LMF1: variants seen among roughly 807,000 people sequenced by gnomAD.
LMF1 encodes the protein transmembrane protein 112.
LMF1 carries 68 observed loss-of-function variants against 60.6 expected under a neutral mutation model. The ratio of observed to expected loss-of-function variants is 1.12; its 90% CI spans 0.92 to 1.37. The LOEUF (loss-of-function observed/expected upper bound fraction) is 1.37, where lower values mean the gene tolerates loss of function less well. Among genes scored for constraint, LMF1 ranks in the 40% most tolerant of loss-of-function variants. The pLI, the probability that LMF1 is intolerant of heterozygous loss-of-function variation, is 0.00. For synonymous variants in LMF1, 418 were observed against 324.7 expected, an observed-to-expected ratio of 1.29 and a Z score of -3.09; for missense variants, 948 against 767.2, an observed-to-expected ratio of 1.24 and a Z score of -2.78.
intron 3 of LMF1, among the ~76,000 whole-genome samples, chr16:930,270 C>T (rs556353667): frequency 8.8e-5 from 13 of 148,248 alleles, no homozygotes; most frequent in Non-Finnish European, 1.7e-4. Flanking sequence ...TGAACAGGGG[C>T]GCAGGACCCT....
At chr16:895,120 A>G (rs2070626339) in intron 4 of LMF1, among the ~76,000 whole-genome samples, 1 of 152,174 alleles carries the variant, frequency 6.6e-6, no homozygotes, top group Admixed American at 6.5e-5. Flanking sequence ...TCGCGGTCCC[A>G]CTGCGGGAGA....
At position 874,959 on chromosome 16, in the gene LMF1, C is replaced by T. The variant is rs1596875972; in HGVS notation, c.898-3618G>A. Among the ~76,000 whole-genome samples the T allele has an allele frequency of 6.6e-6, 1 of 152,308 alleles. No homozygotes were observed. Among genetic ancestry groups the T allele is most frequent in the African/African-American group, 2.4e-5 (1 of 41,566 alleles). On this transcript the variant is annotated intron_variant, in intron 6 of 10. Transcript: ENST00000262301. This position sits in a 1 kb window ranked among gnomAD's most constrained non-coding sequence, Gnocchi z 4.1. The stretch of plus-strand genomic sequence containing the variant: ...GGGCAAAAGCCCTAGTTCAAGACCC[C>T]ACACTGCCTGTGAGGGGGCAGGATA...
chr16:872,249 A>T (rs1567159166), intron 6 of LMF1: 1 of 152,154 alleles, frequency 6.6e-6, no homozygotes, highest in Non-Finnish European at 1.5e-5. Context: ...GCTTCCTCAG[A>T]CAGCTCCGTC....
chr16:908,259 G>A (rs1270322482), intron 4 of LMF1, among the ~76,000 whole-genome samples: 1 of 152,214 alleles, frequency 6.6e-6, no homozygotes, highest in Non-Finnish European at 1.5e-5. Context: ...AAGGAGCCAT[G>A]GAAACATCTC....
In LMF1 at chr16:868,030, G is replaced by A. The variant is rs1052265354; in HGVS notation, c.1529+914C>T. On this transcript the variant is annotated intron_variant, in intron 10 of 10. Coordinates refer to ENST00000262301, the MANE Select transcript of LMF1 (RefSeq NM_022773.4). ...CAGAGCTGTGTTTTCCGTCAGAATC[G>A]GCGGCTGATGGCGCAGGGGAGGGGT... Among the ~76,000 whole-genome samples, 9 of 152,254 alleles carry A rather than the reference G, an allele frequency of 5.9e-5. 1 individual carries two copies. Among genetic ancestry groups the A allele is most frequent in the South Asian group, 4.1e-4 (2 of 4,822 alleles).
rs974669861 is a variant in LMF1 at position 854,378 on chromosome 16, A to T, written c.*154T>A. ...GAGCCGCCACAGTATGTGACAACAG[A>T]CCCCACCCTGGACCCCCGTGCTGGG... is the stretch of plus-strand genomic sequence containing the variant. On this transcript the variant is annotated 3_prime_UTR_variant, in exon 11 of 11. Coordinates refer to ENST00000262301, the MANE Select transcript of LMF1 (RefSeq NM_022773.4). 5 of 835,776 alleles carry T rather than the reference A, an allele frequency of 6.0e-6. No individual in the cohort carries two copies. The highest frequency in any genetic ancestry group is 9.7e-6 in the Non-Finnish European group (5 of 514,224). The allele number at this position is 835,776 out of a possible 1,614,324, so 51.8% of individuals were successfully genotyped here.
chr16:974,890 A>C (rs1596182909), upstream of LMF1, among the ~76,000 whole-genome samples: 1 of 152,006 alleles, frequency 6.6e-6, no homozygotes, highest in Admixed American at 6.5e-5. Flanking sequence ...CATTTACCCC[A>C]ATTTTTCATG....
At chr16:974,562 G>A (rs991897776), upstream of LMF1, among the ~76,000 whole-genome samples, 1 of 152,202 alleles carries the variant, frequency 6.6e-6, no homozygotes, top group Non-Finnish European at 1.5e-5. Context: ...CCAAGAGCAC[G>A]CAGGCTGAAG....
chr16:929,618 G>A (rs761770737), intron 3 of LMF1, among the ~76,000 whole-genome samples: 57 of 152,264 alleles, frequency 3.7e-4, no homozygotes, highest in Non-Finnish European at 7.1e-4. Context: ...ACTCGCTGCA[G>A]GGCGGCAGGA....
intron 4 of LMF1, among the ~76,000 whole-genome samples, chr16:910,163 C>T (rs1025326568): frequency 6.6e-6 from 1 of 152,252 alleles, no homozygotes; most frequent in Non-Finnish European, 1.5e-5. Flanking sequence ...GACCACGTCG[C>T]TCCTGCTTTT....
chr16:954,059 A>ACACACCCCAAAC lies in LMF1; in HGVS notation c.503+297_503+298insGTTTGGGGTGTG, dbSNP rs1567312806. On this transcript the variant is annotated intron_variant, in intron 2 of 10. Transcript: ENST00000262301. ...CAGCCTCCTACACGTCCACACAGAC[A>ACACACCCCAAAC]CAGACCCACTGCTTCTGCCTCCCTT... 8.7e-4 allele frequency among the ~76,000 whole-genome samples: 123 copies of ACACACCCCAAAC among 140,822 alleles called. 9 individuals carry two copies. Among genetic ancestry groups the ACACACCCCAAAC allele is most frequent in the African/African-American group, 2.9e-3 (115 of 39,408 alleles). 92.4% of individuals were successfully genotyped at this position (140,822 alleles called of 152,430 possible). A position where few individuals can be genotyped will look rare whatever the true frequency, so the allele number is the denominator to read the frequency against.
intron 4 of LMF1, among the ~76,000 whole-genome samples, chr16:909,916 G>A (rs1355491301): frequency 6.6e-6 from 1 of 152,396 alleles, no homozygotes; most frequent in Admixed American, 6.5e-5. Context: ...GTCGGGTGGG[G>A]CAGGCACAAG....
At chr16:955,935 C>T (rs896683203) in intron 1 of LMF1, among the ~76,000 whole-genome samples, 36 of 152,052 alleles carry the variant, frequency 2.4e-4, no homozygotes, top group Non-Finnish European at 7.4e-5. Flanking sequence ...TCACGTCTCA[C>T]GGCGCCCACC....
At position 869,883 on chromosome 16, in the gene LMF1, C is replaced by G. The variant is rs200876477; in HGVS notation, c.1416G>C (p.Gln472His). 1.9e-6 allele frequency: 3 copies of G among 1,611,244 alleles called. No individual in the cohort carries two copies. The highest frequency in any genetic ancestry group is 2.5e-6 in the Non-Finnish European group (3 of 1,179,390). ...GCGCCCGCCAGGGACCGTCCCCCAC[C>G]TGGAAGGCCGCGAACCACATCAGCC... ...LDWLMWFAAF[Q>H]TYEHNDWIIH... Residue 472 changes from glutamine to histidine, a missense_variant and splice_region_variant, in exon 9 of 11, where the codon CAG becomes CAC. Transcript: ENST00000262301.
Position 939,536 on chromosome 16 carries a change from C to T in LMF1, c.504-5282G>A, listed in dbSNP as rs144418355. On this transcript the variant is annotated intron_variant, in intron 2 of 10. Coordinates refer to ENST00000262301, the MANE Select transcript of LMF1 (RefSeq NM_022773.4). ...GCCGAGCAGCGGAGGTCCAGACGGG[C>T]GCGTGGCATCTGGGGCAATGACCAG... is the stretch of plus-strand genomic sequence containing the variant. 2.2e-3 allele frequency among the ~76,000 whole-genome samples: 339 copies of T among 152,352 alleles called. 3 individuals carry two copies. Among genetic ancestry groups the T allele is most frequent in the African/African-American group, 7.4e-3 (307 of 41,582 alleles).
intron 4 of LMF1, among the ~76,000 whole-genome samples, chr16:898,722 G>A (rs1043727592): frequency 4.6e-5 from 7 of 152,238 alleles, no homozygotes; most frequent in African/African-American, 9.6e-5. Flanking sequence ...ACTCTCAGCC[G>A]CCTATCTCTC....
At chr16:952,006 C>T (rs1597062395) in intron 2 of LMF1, among the ~76,000 whole-genome samples, 1 of 152,176 alleles carries the variant, frequency 6.6e-6, no homozygotes. Flanking sequence ...AGCGCCTGAC[C>T]CCAGCACACC....
rs1274441791 is a variant in LMF1, at chr16:878,725, T to G, written c.897+845A>C. Among the ~76,000 whole-genome samples, 5 of 22,324 alleles carry G rather than the reference T, an allele frequency of 2.2e-4. No homozygotes were observed. Among genetic ancestry groups the G allele is most frequent in the South Asian group, 1.6e-3 (1 of 642 alleles). 14.6% of individuals were successfully genotyped at this position (22,324 alleles called of 152,430 possible). On this transcript the variant is annotated intron_variant, in intron 6 of 10. Transcript: ENST00000262301. This position sits in a 1 kb window ranked among gnomAD's most constrained non-coding sequence, Gnocchi z 5.2. ...CTAGGCGGCGGTGCTCTGGCAGGGG[T>G]GGGCAGGGCAGGGGAAGGGCGGGGG...
At chr16:910,746 C>T (rs551203460) in intron 4 of LMF1, among the ~76,000 whole-genome samples, 185 bp downstream of exon 4, 3 of 152,236 alleles carry the variant, frequency 2.0e-5, no homozygotes, top group East Asian at 3.9e-4. Context: ...AAAAGCCAGC[C>T]GGTCCCCAGC....
Sources: allele counts gnomAD v4.1 joint callset (sites outside exome capture counted in the v4.1 genomes callset), GRCh38; gene constraint gnomAD v4.1.1; non-coding constraint Gnocchi (gnomAD v3.1); transcripts MANE v1.5; gene names NCBI Gene and HGNC (gene_info 2026-07-23, HGNC 2026-07-21).